CTNNA3: variants seen among roughly 807,000 people sequenced by gnomAD.
CTNNA3 encodes catenin alpha 3, also known as catenin alpha-3.
In CTNNA3, 76 loss-of-function variants were observed where a neutral mutation model predicts 95.7. The ratio of observed to expected loss-of-function variants is 0.79; its 90% confidence interval spans 0.66 to 0.96. The LOEUF (loss-of-function observed/expected upper bound fraction) is 0.96. Among genes scored for constraint, CTNNA3 ranks in the 40% least tolerant of loss-of-function variants. The pLI is 0.00. For synonymous variants in CTNNA3, 431 were observed against 374.4 expected (o/e 1.15, Z -1.74); for missense variants, 1,191 against 1,089.8 (o/e 1.09, Z -1.31).
intron 3 of CTNNA3, among the ~76,000 whole-genome samples, chr10:67,554,069 TC>T (rs201569735): frequency 0.022 from 3,292 of 152,280 alleles, 148 homozygotes; most frequent in African/African-American, 0.075. Flanking sequence ...TTCATCCATG[TC>T]CCTACAAAGG....
chr10:67,005,682 C>CTTTTTTTTTTGTTTTTTTTTT, intron 7 of CTNNA3, among the ~76,000 whole-genome samples: 1 of 61,976 alleles, frequency 1.6e-5, no homozygotes, highest in Middle Eastern at 0.016. Context: ...TTTACTCCAT[C>CTTTTTTTTTTGTTTTTTTTTT]TTTTTTTTTT....
intron 6 of CTNNA3, among the ~76,000 whole-genome samples, chr10:67,191,552 G>A (rs1863119347): frequency 6.6e-6 from 1 of 151,756 alleles, no homozygotes. Context: ...AGATTTGAAA[G>A]ATCTGTGGTT....
intron 11 of CTNNA3, among the ~76,000 whole-genome samples, chr10:66,449,054 A>G (rs2093444520): frequency 6.6e-6 from 1 of 152,106 alleles, no homozygotes; most frequent in Non-Finnish European, 1.5e-5. Flanking sequence ...AAAGTAATGA[A>G]GAAATAATGA....
At chr10:67,254,535 T>C (rs1007233863) in intron 5 of CTNNA3, among the ~76,000 whole-genome samples, 1 of 152,212 alleles carries the variant, frequency 6.6e-6, no homozygotes, top group Non-Finnish European at 1.5e-5. Context: ...ATCTATACTC[T>C]GAGCCCAATG....
intron 10 of CTNNA3, among the ~76,000 whole-genome samples, chr10:66,564,847 T>G (rs570326197): frequency 5.4e-4 from 83 of 152,296 alleles, no homozygotes; most frequent in African/African-American, 1.8e-3. Flanking sequence ...GAAGGGTTAT[T>G]TGTATTTTAT....
intron 9 of CTNNA3, among the ~76,000 whole-genome samples, chr10:66,624,360 A>C (rs1844858067): frequency 6.6e-6 from 1 of 152,136 alleles, no homozygotes; most frequent in Non-Finnish European, 1.5e-5. Flanking sequence ...CCATGTATGA[A>C]TTGCCTTCCA....
At chr10:65,974,791 G>T (rs2078179863) in intron 16 of CTNNA3, among the ~76,000 whole-genome samples, 1 of 151,742 alleles carries the variant, frequency 6.6e-6, no homozygotes, top group South Asian at 2.1e-4. Flanking sequence ...AAAATTAAAA[G>T]ATGCTGGGAA....
At chr10:66,085,188 T>C (rs1020518152) in intron 14 of CTNNA3, 1 of 152,136 alleles carries the variant, frequency 6.6e-6, no homozygotes, top group Non-Finnish European at 1.5e-5. Flanking sequence ...AATGAAATAA[T>C]ATATTCATTT....
intron 12 of CTNNA3, among the ~76,000 whole-genome samples, chr10:66,349,480 A>C (rs1224678466): frequency 6.6e-6 from 1 of 152,154 alleles, no homozygotes; most frequent in Non-Finnish European, 1.5e-5. Context: ...ATAGGCAACA[A>C]TGATTAACAA....
At chr10:66,042,073 T>C (rs2079703247) in intron 15 of CTNNA3, among the ~76,000 whole-genome samples, 1 of 152,164 alleles carries the variant, frequency 6.6e-6, no homozygotes, top group African/African-American at 2.4e-5. Flanking sequence ...TACCATGACA[T>C]GCTATTTTGT....
intron 5 of CTNNA3, among the ~76,000 whole-genome samples, chr10:67,236,020 G>A (rs1358288310): frequency 6.8e-6 from 1 of 146,272 alleles, no homozygotes; most frequent in Non-Finnish European, 1.5e-5. Context: ...AACAGGTGCT[G>A]GAGAGGATGT....
chr10:67,156,305 T>C (rs1861307676), intron 7 of CTNNA3, among the ~76,000 whole-genome samples: 1 of 152,084 alleles, frequency 6.6e-6, no homozygotes, highest in Non-Finnish European at 1.5e-5. Context: ...ATCTTTACCA[T>C]TTCTTTCCTT....
intron 5 of CTNNA3, among the ~76,000 whole-genome samples, chr10:67,282,163 G>C (rs1839424768): frequency 6.6e-6 from 1 of 152,064 alleles, no homozygotes; most frequent in Non-Finnish European, 1.5e-5. Context: ...CTTTCTATTA[G>C]AAGTAATTCT....
At chr10:66,721,996 T>A (rs1460187809) in intron 9 of CTNNA3, among the ~76,000 whole-genome samples, 6 of 152,170 alleles carry the variant, frequency 3.9e-5, no homozygotes, top group Non-Finnish European at 8.8e-5. Flanking sequence ...TGAGTGACAT[T>A]AGGAAACTGA....
At chr10:67,052,096 G>A (rs184086143) in intron 7 of CTNNA3, among the ~76,000 whole-genome samples, 94 of 152,214 alleles carry the variant, frequency 6.2e-4, no homozygotes, top group East Asian at 2.7e-3. Context: ...TGGAGGGGTC[G>A]TTGAGAGTCT....
At chr10:67,180,881 A>G (rs968841878) in intron 6 of CTNNA3, among the ~76,000 whole-genome samples, 30 of 152,198 alleles carry the variant, frequency 2.0e-4, no homozygotes, top group South Asian at 2.1e-4. Flanking sequence ...TGCTTAATAC[A>G]CTGACTGGAG....
intron 9 of CTNNA3, among the ~76,000 whole-genome samples, chr10:66,626,879 T>C (rs1183201443): frequency 6.6e-6 from 1 of 151,990 alleles, no homozygotes; most frequent in Non-Finnish European, 1.5e-5. Context: ...TTAAAAGTTC[T>C]CCCAGGTGAT....
rs543034235 is a variant in CTNNA3, at chr10:67,346,512, G to A, written c.580-126642C>T. On this transcript the variant is annotated intron_variant, in intron 5 of 17. Transcript: ENST00000433211. Reference sequence around the variant, plus strand: ...TTTTCACCAGATATACTATTCTAGAGTAAAAGTTTTTTTTTCCTTAAGTGC... The same window carrying A: ...TTTTCACCAGATATACTATTCTAGAATAAAAGTTTTTTTTTCCTTAAGTGC... Among the ~76,000 whole-genome samples, 8 of 152,156 alleles carry A rather than the reference G, an allele frequency of 5.3e-5. No homozygotes were observed. The South Asian group carries it at 1.7e-3, about 32-fold the overall frequency.
chr10:67,756,440 T>C (rs1038464700), intron 1 of CTNNA3, among the ~76,000 whole-genome samples: 1 of 152,268 alleles, frequency 6.6e-6, no homozygotes, highest in Non-Finnish European at 1.5e-5. Context: ...CTCAAAACAA[T>C]GTACATCTAT....
Sources: allele counts gnomAD v4.1 joint callset (sites outside exome capture counted in the v4.1 genomes callset), GRCh38; gene constraint gnomAD v4.1.1; transcripts MANE v1.5; gene names NCBI Gene and HGNC (gene_info 2026-07-23, HGNC 2026-07-21).